The following UBN2 variants were observed in gnomAD, a reference collection of about 807,000 sequenced individuals.
UBN2 encodes ubinuclein 2.
A neutral mutation model predicts 120.2 loss-of-function variants in UBN2; 35 were observed. The observed-to-expected ratio is 0.29, with a 90% confidence interval of 0.22 to 0.39. The LOEUF is 0.39. Among genes scored for constraint, UBN2 ranks in the 10% least tolerant of loss-of-function variants. The probability of loss-of-function intolerance (pLI) is 1.00; values close to 1 mark genes in which losing one functional copy is unlikely to be tolerated. For synonymous variants in UBN2, 661 were observed against 648.7 expected, an observed-to-expected ratio of 1.02 and a Z score of -0.29; for missense variants, 1,693 against 1,663.2, an observed-to-expected ratio of 1.02 and a Z score of -0.31.
chr7:139,316,050 C>G, the UBN2 span, among the ~76,000 whole-genome samples: 36 of 127,650 alleles, frequency 2.8e-4, 1 homozygote, highest in South Asian at 8.1e-3. Flanking sequence ...GCACTCCAGC[C>G]TGGGCAACAA....
chr7:139,244,014 A>C (rs1332962981), intron 2 of UBN2, among the ~76,000 whole-genome samples: 16 of 152,222 alleles, frequency 1.1e-4, no homozygotes, highest in Admixed American at 1.0e-3. Flanking sequence ...AGTGGGTAGT[A>C]CATGTCCTTA....
In UBN2 at chr7:139,262,073, G is replaced by A. The variant is rs1479403914; in HGVS notation, c.1395+332G>A. On this transcript the variant is annotated intron_variant, in intron 6 of 17. Transcript: ENST00000473989. ...GCTGGGATTACAGGCGTGAGCCACC[G>A]CACCTGGTGTTTTATTTTATTTATT... Among the ~76,000 whole-genome samples the A allele has an allele frequency of 4.6e-5, 7 of 150,910 alleles. No individual in the cohort carries two copies. In the East Asian group the frequency reaches 9.7e-4, roughly 21 times the overall value.
chr7:139,291,907 A>G (rs895255304), intron 15 of UBN2, among the ~76,000 whole-genome samples: 6 of 152,264 alleles, frequency 3.9e-5, no homozygotes, highest in Admixed American at 6.5e-5. Flanking sequence ...ATGGAAAAAA[A>G]TGATTTAATT....
At chr7:139,236,201 C>T (rs190337732) in intron 1 of UBN2, among the ~76,000 whole-genome samples, 20 of 152,266 alleles carry the variant, frequency 1.3e-4, no homozygotes, top group Admixed American at 1.1e-3. Context: ...GAGCTTCTAG[C>T]TCTGTGTGTG....
intron 15 of UBN2, among the ~76,000 whole-genome samples, chr7:139,290,361 A>G (rs1377894557): frequency 6.6e-6 from 1 of 152,256 alleles, no homozygotes; most frequent in Non-Finnish European, 1.5e-5. Flanking sequence ...GGCACAGTAC[A>G]GGAAAAGACA....
intron 15 of UBN2, among the ~76,000 whole-genome samples, chr7:139,288,673 A>G (rs551370346): frequency 1.3e-5 from 2 of 152,236 alleles, no homozygotes; most frequent in African/African-American, 4.8e-5. Flanking sequence ...ATAGGGGACC[A>G]GTGCACTCAC....
chr7:139,283,587 G>C lies in UBN2; in HGVS notation c.2682G>C (p.Gln894His). 1 of 1,614,134 alleles carries C rather than the reference G, an allele frequency of 6.2e-7. No individual in the cohort carries two copies. Among genetic ancestry groups the C allele is most frequent in the African/African-American group, 1.3e-5 (1 of 75,038 alleles). ...AGATTCACACTTCTTCCTCTTCACA[G>C]ACCCATGTCTCCTCTTCTTCCCAAG... is the stretch of plus-strand genomic sequence containing the variant. ...SSQIHTSSSS[Q>H]THVSSSSQAQ... is the part of the protein sequence containing the mutation. Residue 894 changes from glutamine (Q) to histidine (H), a missense_variant, in exon 15 of 18, where the codon CAG becomes CAC. By Grantham distance (24) the Gln-to-His change is conservative. Coordinates refer to ENST00000473989, the MANE Select transcript of UBN2 (RefSeq NM_173569.4).
chr7:139,282,164 G>T, intron 14 of UBN2, 109 bp downstream of exon 14: 2 of 817,178 alleles, frequency 2.4e-6, no homozygotes, highest in Non-Finnish European at 3.9e-6. Flanking sequence ...TATGTAATAG[G>T]CTTTTGCTTC....
chr7:139,252,280 A>G (rs1359361811), intron 3 of UBN2, among the ~76,000 whole-genome samples: 1 of 150,930 alleles, frequency 6.6e-6, no homozygotes, highest in Non-Finnish European at 1.5e-5. Context: ...TTGTTATTAC[A>G]TTGTTAAAAT....
intron 17 of UBN2, among the ~76,000 whole-genome samples, chr7:139,296,662 A>G (rs919798368): frequency 2.6e-5 from 4 of 152,138 alleles, no homozygotes; most frequent in African/African-American, 7.2e-5. Flanking sequence ...TTTGTAGGTA[A>G]TTTAGTTGAG....
chr7:139,287,436 C>T (rs530991816), intron 15 of UBN2, among the ~76,000 whole-genome samples: 1 of 152,076 alleles, frequency 6.6e-6, no homozygotes, highest in Admixed American at 6.5e-5. Flanking sequence ...TTTCTTCATC[C>T]TTTGTCATCT....
chr7:139,290,880 G>T (rs1187248848), intron 15 of UBN2, among the ~76,000 whole-genome samples: 1 of 152,068 alleles, frequency 6.6e-6, no homozygotes, highest in Non-Finnish European at 1.5e-5. Context: ...ATGTGTGTGT[G>T]GAAAGATTGT....
chr7:139,292,145 T>C (rs1001618202), intron 15 of UBN2, among the ~76,000 whole-genome samples: 1 of 152,112 alleles, frequency 6.6e-6, no homozygotes, highest in African/African-American at 2.4e-5. Flanking sequence ...TCTTAGCTAC[T>C]CGGGAGGCTG....
chr7:139,282,128 A>G, intron 14 of UBN2, 73 bp downstream of exon 14: 3 of 1,373,590 alleles, frequency 2.2e-6, no homozygotes, highest in Middle Eastern at 3.6e-4. Context: ...TTAAGAAACT[A>G]ATTGAAGAGA....
chr7:139,252,097 TTGTA>T (rs2130960639), intron 3 of UBN2, 40 bp downstream of exon 3: 8 of 1,535,644 alleles, frequency 5.2e-6, no homozygotes, highest in South Asian at 1.1e-5. Flanking sequence ...AATTCATTGT[TTGTA>T]TGGGATAGTA....
At chr7:139,313,186 T>G (rs541353446), downstream of UBN2, among the ~76,000 whole-genome samples, 3 of 152,298 alleles carry the variant, frequency 2.0e-5, no homozygotes, top group South Asian at 6.2e-4. Context: ...AAATATTGAT[T>G]AGGATTGAAT....
intron 2 of UBN2, among the ~76,000 whole-genome samples, chr7:139,240,946 C>G (rs1248270533): frequency 6.6e-6 from 1 of 152,158 alleles, no homozygotes; most frequent in Admixed American, 6.5e-5. Context: ...CGTATAGGCT[C>G]CAGATTCGTC....
At chr7:139,310,511 C>T (rs181115701), downstream of UBN2, among the ~76,000 whole-genome samples, 13 of 152,210 alleles carry the variant, frequency 8.5e-5, no homozygotes, top group Non-Finnish European at 5.9e-5. Flanking sequence ...GTGGTCATGC[C>T]TGTAATCCCA....
chr7:139,286,508 A>G (rs978366160), intron 15 of UBN2, among the ~76,000 whole-genome samples: 1 of 152,156 alleles, frequency 6.6e-6, no homozygotes, highest in African/African-American at 2.4e-5. Flanking sequence ...AAAGTAATGT[A>G]TGTTCATTGA....
Sources: gnomAD v4.1 joint callset for allele counts (sites outside exome capture counted in the v4.1 genomes callset) on GRCh38, gnomAD v4.1.1 for gene constraint, MANE v1.5 for transcripts, NCBI Gene and HGNC (gene_info 2026-07-23, HGNC 2026-07-21) for gene names.